Variants in LRRTM4 observed in about 807,000 individuals in gnomAD.
LRRTM4 encodes leucine rich repeat transmembrane neuronal 4.
In LRRTM4, 25 loss-of-function variants were observed where a neutral mutation model predicts 47.6. That is an observed-to-expected ratio of 0.53 (90% CI 0.38 to 0.73). The LOEUF is 0.73. Among genes scored for constraint, LRRTM4 ranks in the 30% least tolerant of loss-of-function variants. The probability of loss-of-function intolerance (pLI) is 0.00; values close to 1 mark genes in which losing one functional copy is unlikely to be tolerated. For missense variants in LRRTM4, 638 were observed against 713.4 expected (o/e 0.89, Z 1.20); for synonymous variants, 311 against 269.5 (o/e 1.15, Z -1.51).
At chr2:77,000,385 C>T (rs1406368898) in intron 3 of LRRTM4, among the ~76,000 whole-genome samples, 1 of 151,890 alleles carries the variant, frequency 6.6e-6, no homozygotes, top group African/African-American at 2.4e-5. Flanking sequence ...CAAAGGGTTA[C>T]AATAAATGAG....
chr2:77,090,884 C>T (rs917905632), intron 3 of LRRTM4, among the ~76,000 whole-genome samples: 2 of 152,136 alleles, frequency 1.3e-5, no homozygotes, highest in Admixed American at 6.5e-5. Flanking sequence ...TAGACCATCA[C>T]GGACGCCGAG....
chr2:77,231,223 G>T (rs1341731726), intron 3 of LRRTM4, among the ~76,000 whole-genome samples: 1 of 150,286 alleles, frequency 6.7e-6, no homozygotes, highest in East Asian at 2.0e-4. Context: ...ACACACACAT[G>T]CACACACACA....
At chr2:77,045,958 A>T (rs1011812269) in intron 3 of LRRTM4, among the ~76,000 whole-genome samples, 5 of 151,974 alleles carry the variant, frequency 3.3e-5, no homozygotes, top group African/African-American at 4.8e-5. Context: ...ATCTCTTAAG[A>T]AGTACATTTA....
chr2:77,483,582 C>G (rs1228156473), intron 3 of LRRTM4, among the ~76,000 whole-genome samples: 1 of 152,194 alleles, frequency 6.6e-6, no homozygotes, highest in African/African-American at 2.4e-5. Flanking sequence ...CTCAGGTGAT[C>G]TACCCGTCTC....
intron 3 of LRRTM4, among the ~76,000 whole-genome samples, chr2:77,045,961 T>C (rs1160503334): frequency 6.6e-6 from 1 of 151,962 alleles, no homozygotes; most frequent in Non-Finnish European, 1.5e-5. Flanking sequence ...TCTTAAGAAG[T>C]ACATTTAATA....
At chr2:77,085,943 T>C (rs1680695394) in intron 3 of LRRTM4, among the ~76,000 whole-genome samples, 1 of 152,172 alleles carries the variant, frequency 6.6e-6, no homozygotes, top group Non-Finnish European at 1.5e-5. Flanking sequence ...GGAAGAAATT[T>C]CTTTATGCTA....
At chr2:77,358,068 C>G (rs975620229) in intron 3 of LRRTM4, among the ~76,000 whole-genome samples, 3 of 152,140 alleles carry the variant, frequency 2.0e-5, no homozygotes, top group South Asian at 2.1e-4. Flanking sequence ...TCTCCTAAAG[C>G]ATGATGATTT....
chr2:77,085,383 T>A (rs114322005), intron 3 of LRRTM4, among the ~76,000 whole-genome samples: 1,952 of 151,814 alleles, frequency 0.013, 43 homozygotes, highest in African/African-American at 0.045. Flanking sequence ...CCTCACTTTT[T>A]TTTTTTTTTG....
intron 3 of LRRTM4, among the ~76,000 whole-genome samples, chr2:77,243,579 G>GT (rs2103995747): frequency 6.6e-6 from 1 of 152,002 alleles, no homozygotes; most frequent in African/African-American, 2.4e-5. Context: ...TAGAGTTTTA[G>GT]TTTTGCAAGT....
chr2:76,899,956 C>T (rs780008997), intron 3 of LRRTM4, among the ~76,000 whole-genome samples: 9 of 151,912 alleles, frequency 5.9e-5, no homozygotes, highest in Non-Finnish European at 1.0e-4. Flanking sequence ...ACACCAGGTG[C>T]GGTGGCTCAC....
At chr2:76,864,687 T>C (rs1244086557) in intron 3 of LRRTM4, among the ~76,000 whole-genome samples, 1 of 151,646 alleles carries the variant, frequency 6.6e-6, no homozygotes, top group Non-Finnish European at 1.5e-5. Flanking sequence ...TGAAGTGATC[T>C]TAGCATCAGA....
chr2:77,276,751 CAT>C (rs1676372154), intron 3 of LRRTM4, among the ~76,000 whole-genome samples: 1 of 108,332 alleles, frequency 9.2e-6, no homozygotes, highest in Non-Finnish European at 1.9e-5. Context: ...TTTATGGAGA[CAT>C]GTTTATTTCT....
At chr2:76,754,149 T>A (rs527899692) in intron 3 of LRRTM4, among the ~76,000 whole-genome samples, 6 of 152,170 alleles carry the variant, frequency 3.9e-5, no homozygotes, top group Non-Finnish European at 8.8e-5. Flanking sequence ...AAGAATTCAA[T>A]GCAGTTGAAT....
chr2:77,487,559 A>T (rs1677967418), intron 3 of LRRTM4, among the ~76,000 whole-genome samples: 1 of 152,114 alleles, frequency 6.6e-6, no homozygotes, highest in Non-Finnish European at 1.5e-5. Context: ...CCTCGGCATG[A>T]AGAGCCTGGG....
chr2:76,929,627 A>T (rs1011078099), intron 3 of LRRTM4, among the ~76,000 whole-genome samples: 1 of 152,142 alleles, frequency 6.6e-6, no homozygotes, highest in African/African-American at 2.4e-5. Context: ...GAGAGTAGAC[A>T]TGTTTCTTTA....
intron 3 of LRRTM4, among the ~76,000 whole-genome samples, chr2:76,871,034 T>C (rs900578499): frequency 1.3e-5 from 2 of 152,176 alleles, no homozygotes; most frequent in African/African-American, 4.8e-5. Context: ...CACAATTAGG[T>C]TGCAAAGCAG....
chr2:76,765,490 G>C (rs1023431950), intron 3 of LRRTM4, among the ~76,000 whole-genome samples: 1 of 152,156 alleles, frequency 6.6e-6, no homozygotes, highest in African/African-American at 2.4e-5. Context: ...GGCCTCTAAG[G>C]TAGTAACTAA....
At chr2:76,971,298 G>A (rs991910456) in intron 3 of LRRTM4, among the ~76,000 whole-genome samples, 2 of 150,954 alleles carry the variant, frequency 1.3e-5, no homozygotes, top group African/African-American at 2.5e-5. Flanking sequence ...TGGAGCCCTA[G>A]GATATGTACC....
chr2:77,457,783 T>A, intron 3 of LRRTM4, among the ~76,000 whole-genome samples: 1 of 152,154 alleles, frequency 6.6e-6, no homozygotes, highest in Non-Finnish European at 1.5e-5. Flanking sequence ...TGCCTTGACC[T>A]TTGTGGTTCC....
Sources: gnomAD v4.1 joint callset for allele counts (sites outside exome capture counted in the v4.1 genomes callset) on GRCh38, gnomAD v4.1.1 for gene constraint, MANE v1.5 for transcripts, NCBI Gene and HGNC (gene_info 2026-07-23, HGNC 2026-07-21) for gene names.